Variants in LZTFL1 observed in about 807,000 individuals in gnomAD.
LZTFL1 encodes the protein leucine zipper transcription factor-like protein 1.
In LZTFL1, 25 loss-of-function variants were observed where a neutral mutation model predicts 45.9. That is an observed-to-expected ratio of 0.54 (90% CI 0.40 to 0.76). The LOEUF is 0.76. Ranked by LOEUF, LZTFL1 falls within the 30% of genes least tolerant of loss-of-function variation. LZTFL1 has a pLI of 0.00. For missense variants in LZTFL1, 277 were observed against 331.1 expected, an observed-to-expected ratio of 0.84 and a Z score of 1.27; for synonymous variants, 93 against 117.4, an observed-to-expected ratio of 0.79 and a Z score of 1.35.
intron 8 of LZTFL1, 32 bp downstream of exon 8, chr3:45,828,407 A>C (rs1559400640): frequency 6.2e-7 from 1 of 1,601,242 alleles, no homozygotes; most frequent in Non-Finnish European, 8.5e-7. Context: ...TCATGCATTA[A>C]CAGACAAATC....
chr3:45,884,898 G>C lies in LZTFL1; in HGVS notation c.-214-25882C>G, dbSNP rs115826613. ...TGAGAGGGAGGAGTGAGATGCCAGA[G>C]CATCTGGCTGGTTCTCAGCTATGTA... On this transcript the variant is annotated intron_variant, in intron 2 of 4. Transcript: ENST00000472635. Among the ~76,000 whole-genome samples the C allele has an allele frequency of 4.5e-3, 679 of 152,276 alleles. 8 individuals carry two copies. Among genetic ancestry groups the C allele is most frequent in the African/African-American group, 0.015 (644 of 41,558 alleles).
intron 2 of LZTFL1, among the ~76,000 whole-genome samples, chr3:45,865,314 A>G (rs1020250747): frequency 1.3e-5 from 2 of 152,258 alleles, no homozygotes; most frequent in African/African-American, 2.4e-5. Flanking sequence ...TTGAAGTAGG[A>G]TACTCAGCAA....
chr3:45,890,245 C>T (rs1337730963), intron 2 of LZTFL1, among the ~76,000 whole-genome samples: 1 of 9,268 alleles, frequency 1.1e-4, no homozygotes, highest in African/African-American at 2.7e-4. Flanking sequence ...TGACATAAGC[C>T]CTGGGTATTA....
chr3:45,895,142 A>C, intron 2 of LZTFL1: 1 of 639,632 alleles, frequency 1.6e-6, no homozygotes, highest in Non-Finnish European at 2.8e-6. Context: ...AAATGCAAAG[A>C]GGCAGCTATG....
Position 45,901,296 on chromosome 3 carries a change from T to A in LZTFL1, c.-215+11824A>T. On this transcript the variant is annotated intron_variant, in intron 2 of 4. Coordinates refer to the LZTFL1 transcript ENST00000472635. This position sits in a 1 kb window ranked among gnomAD's most constrained non-coding sequence, Gnocchi z 4.3. ...GCTTTTGTACAGCAAAATGGTTTGC[T>A]TTACCATCTGGGTATTGGCAGCTGC... 6.2e-7 allele frequency: 1 copy of A among 1,614,190 alleles called. No individual in the cohort carries two copies. Among genetic ancestry groups the A allele is most frequent in the South Asian group, 1.1e-5 (1 of 91,072 alleles).
intron 2 of LZTFL1, among the ~76,000 whole-genome samples, chr3:45,904,499 C>T (rs1038742023): frequency 2.6e-5 from 4 of 152,144 alleles, no homozygotes; most frequent in African/African-American, 9.7e-5. Context: ...TGACACAGCT[C>T]CTGAGAGAGC....
intron 1 of LZTFL1, among the ~76,000 whole-genome samples, chr3:45,915,217 A>G (rs577137568): frequency 7.9e-5 from 12 of 152,176 alleles, no homozygotes; most frequent in South Asian, 6.2e-4. Context: ...CTTTCTTCCA[A>G]TGAGAAAGAT....
chr3:45,877,493 C>T (rs1553615502), intron 2 of LZTFL1, among the ~76,000 whole-genome samples: 1 of 152,086 alleles, frequency 6.6e-6, no homozygotes, highest in South Asian at 2.1e-4. Context: ...CTCGGCCCCC[C>T]AAAGTGTTGG....
At chr3:45,859,569 T>C (rs1701447712) in intron 2 of LZTFL1, among the ~76,000 whole-genome samples, 1 of 152,234 alleles carries the variant, frequency 6.6e-6, no homozygotes, top group Admixed American at 6.5e-5. Context: ...ATGAAGTAGT[T>C]TTCTCATTTT....
chr3:45,907,463 C>G (rs1031647824), intron 2 of LZTFL1, among the ~76,000 whole-genome samples: 10 of 152,238 alleles, frequency 6.6e-5, no homozygotes. Flanking sequence ...CTGCAGCATC[C>G]TTCTGCAGAC....
At chr3:45,834,132 G>T in intron 4 of LZTFL1, 106 bp downstream of exon 4, 1 of 617,736 alleles carries the variant, frequency 1.6e-6, no homozygotes. Context: ...TGAATTGAAT[G>T]CTTTTCCTTA....
upstream of LZTFL1, among the ~76,000 whole-genome samples, chr3:45,846,971 G>A (rs1322723409): frequency 1.3e-5 from 2 of 152,178 alleles, no homozygotes; most frequent in African/African-American, 4.8e-5. Context: ...CATAAAAGAA[G>A]TCAAAATCAG....
chr3:45,913,175 A>G (rs1476184577), exon 2 of LZTFL1: 44 of 1,533,156 alleles, frequency 2.9e-5, no homozygotes, highest in Non-Finnish European at 3.7e-5. Flanking sequence ...TTACAGCAAG[A>G]GCCTAGAAAA....
At position 45,826,353 on chromosome 3, in the gene LZTFL1, C is replaced by T. The variant is rs371674535; in HGVS notation, c.882-21G>A. On this transcript the variant is annotated intron_variant, in intron 9 of 9. Transcript: ENST00000296135. ...CATATCTGGAGATATAAATTAAGAACACAATGTCAGGATACCTTTTGTTGT... is the reference window on the plus strand; with the variant it reads ...CATATCTGGAGATATAAATTAAGAATACAATGTCAGGATACCTTTTGTTGT... 21 of 1,602,916 alleles carry T rather than the reference C, an allele frequency of 1.3e-5. No individual in the cohort carries two copies. In the African/African-American group the frequency reaches 2.8e-4, roughly 21 times the overall value.
intron 2 of LZTFL1, among the ~76,000 whole-genome samples, chr3:45,880,294 G>A (rs1420753398): frequency 1.3e-5 from 2 of 152,148 alleles, no homozygotes; most frequent in Non-Finnish European, 2.9e-5. Context: ...ACGAGGTCAG[G>A]AGTTTGAAAC....
intron 2 of LZTFL1, chr3:45,902,396 T>C (rs1340883498): frequency 5.9e-6 from 1 of 169,286 alleles, no homozygotes. Context: ...CCAGGTCTTA[T>C]AGATTCCTGA....
chr3:45,907,290 T>C (rs1702702153), intron 2 of LZTFL1, among the ~76,000 whole-genome samples: 1 of 152,192 alleles, frequency 6.6e-6, no homozygotes, highest in African/African-American at 2.4e-5. Context: ...CCCTCCAGGC[T>C]TTCCTGAAAA....
chr3:45,894,981 C>T (rs199578391), intron 2 of LZTFL1: 39 of 1,610,528 alleles, frequency 2.4e-5, no homozygotes, highest in Non-Finnish European at 3.2e-5. Context: ...TCCTCTGGCT[C>T]CTCAAAACAC....
At chr3:45,846,781 G>C (rs373675130), upstream of LZTFL1, among the ~76,000 whole-genome samples, 7 of 152,218 alleles carry the variant, frequency 4.6e-5, no homozygotes, top group African/African-American at 1.4e-4. Context: ...AGAGGAGAAA[G>C]AGTTGGAGGA....
Sources: gnomAD v4.1 joint callset for allele counts (sites outside exome capture counted in the v4.1 genomes callset) on GRCh38, gnomAD v4.1.1 for gene constraint, Gnocchi (gnomAD v3.1) non-coding constraint, MANE v1.5 for transcripts, NCBI Gene and HGNC (gene_info 2026-07-23, HGNC 2026-07-21) for gene names.